The following TAFA4 variants were observed in gnomAD, a reference collection of about 807,000 sequenced individuals.
The protein encoded by TAFA4 is TAFA chemokine like family member 4.
TAFA4 carries 20 observed loss-of-function variants against 21.1 expected under a neutral mutation model. The observed-to-expected ratio is 0.95, with a 90% CI of 0.67 to 1.38. The LOEUF (loss-of-function observed/expected upper bound fraction) is 1.38, where lower values mean the gene tolerates loss of function less well. Among genes scored for constraint, TAFA4 ranks in the 40% most tolerant of loss-of-function variants. The pLI is 0.00. For synonymous variants in TAFA4, 71 were observed against 67.4 expected, an observed-to-expected ratio of 1.05 and a Z score of -0.26; for missense variants, 211 against 180.9, an observed-to-expected ratio of 1.17 and a Z score of -0.95.
At chr3:68,867,365 C>A (rs2089433291) in intron 3 of TAFA4, among the ~76,000 whole-genome samples, 1 of 152,086 alleles carries the variant, frequency 6.6e-6, no homozygotes, top group African/African-American at 2.4e-5. Context: ...CAGATGAAGT[C>A]TTTCCCAGAC....
At chr3:68,835,592 G>A (rs1704504505) in intron 3 of TAFA4, among the ~76,000 whole-genome samples, 2 of 152,226 alleles carry the variant, frequency 1.3e-5, no homozygotes, top group Admixed American at 1.3e-4. Flanking sequence ...AGTTGCTCAA[G>A]TGGAGCAGAG....
intron 3 of TAFA4, among the ~76,000 whole-genome samples, chr3:68,782,763 C>T (rs1301819123): frequency 6.6e-6 from 1 of 152,094 alleles, no homozygotes; most frequent in East Asian, 1.9e-4. Context: ...TGGGGAGTAG[C>T]AGTTTAAAGC....
At chr3:68,899,220 C>T (rs1435797544) in intron 1 of TAFA4, among the ~76,000 whole-genome samples, 4 of 151,844 alleles carry the variant, frequency 2.6e-5, no homozygotes. Context: ...AAATACACAC[C>T]AAATCTTAAA....
At chr3:68,847,697 G>A (rs1474450257) in intron 3 of TAFA4, among the ~76,000 whole-genome samples, 1 of 152,180 alleles carries the variant, frequency 6.6e-6, no homozygotes, top group Non-Finnish European at 1.5e-5. Flanking sequence ...ACAGTATCTG[G>A]GCCAGAGTGC....
intron 4 of TAFA4, among the ~76,000 whole-genome samples, chr3:68,750,340 T>C (rs1702537447): frequency 2.6e-5 from 4 of 152,330 alleles, no homozygotes; most frequent in Non-Finnish European, 5.9e-5. Flanking sequence ...TTATGGCCTA[T>C]CCATACATGG....
chr3:68,867,834 C>T (rs1475495945), intron 3 of TAFA4, among the ~76,000 whole-genome samples: 1 of 151,734 alleles, frequency 6.6e-6, no homozygotes, highest in African/African-American at 2.4e-5. Flanking sequence ...AGGCAAAAAC[C>T]TATAATAGAT....
chr3:68,858,952 G>A (rs893466772), intron 3 of TAFA4, among the ~76,000 whole-genome samples: 1 of 151,852 alleles, frequency 6.6e-6, no homozygotes, highest in African/African-American at 2.4e-5. Context: ...CAGGCCTGAG[G>A]GTGACATAGA....
intron 1 of TAFA4, among the ~76,000 whole-genome samples, chr3:68,917,325 C>T (rs1342080621): frequency 6.6e-6 from 1 of 152,154 alleles, no homozygotes; most frequent in Non-Finnish European, 1.5e-5. Context: ...CTCAACTGCA[C>T]TTACTATGAG....
chr3:68,839,739 A>G (rs147389219), intron 3 of TAFA4, among the ~76,000 whole-genome samples: 2 of 152,264 alleles, frequency 1.3e-5, no homozygotes, highest in East Asian at 3.9e-4. Context: ...ATCCTTCACT[A>G]CAGAAGTTTG....
chr3:68,830,792 A>G (rs1460854970), intron 3 of TAFA4, among the ~76,000 whole-genome samples: 1 of 152,188 alleles, frequency 6.6e-6, no homozygotes, highest in Non-Finnish European at 1.5e-5. Flanking sequence ...GTGAGGTGTT[A>G]AAGTCTCCCA....
intron 4 of TAFA4, among the ~76,000 whole-genome samples, chr3:68,747,266 A>T (rs1031743640): frequency 2.0e-5 from 3 of 152,148 alleles, no homozygotes; most frequent in Non-Finnish European, 4.4e-5. Flanking sequence ...TCTCTCAAAC[A>T]CACACACTGA....
chr3:68,772,194 C>T (rs1187260509), intron 3 of TAFA4, among the ~76,000 whole-genome samples: 1 of 152,114 alleles, frequency 6.6e-6, no homozygotes, highest in Non-Finnish European at 1.5e-5. Flanking sequence ...CTTGATCATC[C>T]ATCAGATGAT....
At chr3:68,749,736 G>A (rs1702526543) in intron 4 of TAFA4, among the ~76,000 whole-genome samples, 2 of 152,174 alleles carry the variant, frequency 1.3e-5, no homozygotes, top group Non-Finnish European at 2.9e-5. Context: ...TCAGGGTACT[G>A]GCACTCTCTG....
At chr3:68,734,986 T>G (rs1702213032) in intron 5 of TAFA4, among the ~76,000 whole-genome samples, 1 of 152,148 alleles carries the variant, frequency 6.6e-6, no homozygotes, top group Non-Finnish European at 1.5e-5. Flanking sequence ...TTTAAAATTA[T>G]TATTGTACTG....
chr3:68,780,485 A>G (rs1290114116), intron 3 of TAFA4, among the ~76,000 whole-genome samples: 1 of 152,114 alleles, frequency 6.6e-6, no homozygotes, highest in African/African-American at 2.4e-5. Context: ...GGTCTTTCCT[A>G]TGCTGTTCTT....
chr3:68,784,897 TC>T (rs1489613309), intron 3 of TAFA4, among the ~76,000 whole-genome samples: 1 of 152,096 alleles, frequency 6.6e-6, no homozygotes, highest in Non-Finnish European at 1.5e-5. Flanking sequence ...CCAAAGGTTC[TC>T]CAAGTCCCCA....
intron 3 of TAFA4, among the ~76,000 whole-genome samples, chr3:68,861,030 A>ACCCCCCCCCCC (rs113804738): frequency 5.9e-4 from 65 of 110,990 alleles, no homozygotes; most frequent in Non-Finnish European, 7.6e-4. Flanking sequence ...TTAAATATGC[A>ACCCCCCCCCCC]CCCCCCCCCC....
At chr3:68,878,253 A>G (rs528933051) in intron 3 of TAFA4, among the ~76,000 whole-genome samples, 36 of 152,230 alleles carry the variant, frequency 2.4e-4, no homozygotes, top group Non-Finnish European at 4.4e-4. Flanking sequence ...ATAAATCAAT[A>G]GCACCCAAGT....
At chr3:68,820,549 T>C (rs995402777) in intron 3 of TAFA4, among the ~76,000 whole-genome samples, 2 of 151,268 alleles carry the variant, frequency 1.3e-5, no homozygotes, top group Admixed American at 6.6e-5. Flanking sequence ...CATGATGGCA[T>C]GTGCCTATAA....
Sources: allele counts gnomAD v4.1 joint callset (sites outside exome capture counted in the v4.1 genomes callset), GRCh38; gene constraint gnomAD v4.1.1; transcripts MANE v1.5; gene names NCBI Gene and HGNC (gene_info 2026-07-23, HGNC 2026-07-21).